The following USP32 variants were observed in gnomAD, a reference collection of about 807,000 sequenced individuals.
The protein encoded by USP32 is ubiquitin carboxyl-terminal hydrolase 32.
A neutral mutation model predicts 204.8 loss-of-function variants in USP32; 59 were observed. The ratio of observed to expected loss-of-function variants is 0.29; its 90% CI spans 0.23 to 0.36. The LOEUF (loss-of-function observed/expected upper bound fraction) is 0.36, where lower values mean the gene tolerates loss of function less well. Ranked by LOEUF, USP32 falls within the 10% of genes least tolerant of loss-of-function variation. The probability of loss-of-function intolerance (pLI) is 1.00; values close to 1 mark genes in which losing one functional copy is unlikely to be tolerated. For missense variants in USP32, 1,160 were observed against 1,946.4 expected (o/e 0.60, Z 7.60); for synonymous variants, 517 against 678.4 (o/e 0.76, Z 3.70).
At chr17:60,328,762 C>T (rs911013011) in intron 2 of USP32, among the ~76,000 whole-genome samples, 2 of 152,214 alleles carry the variant, frequency 1.3e-5, no homozygotes, top group African/African-American at 4.8e-5. Context: ...GACGCCATCA[C>T]ACTCCCCGGG....
At chr17:60,378,907 G>A (rs528258140) in intron 1 of USP32, among the ~76,000 whole-genome samples, 1 of 151,740 alleles carries the variant, frequency 6.6e-6, no homozygotes, top group South Asian at 2.1e-4. Flanking sequence ...TAGTTCAAAT[G>A]GTAAATGGTA....
At chr17:60,276,994 G>A (rs1271058597) in intron 5 of USP32, among the ~76,000 whole-genome samples, 2 of 149,014 alleles carry the variant, frequency 1.3e-5, no homozygotes, top group African/African-American at 5.1e-5. Flanking sequence ...TACATGAATT[G>A]GCAGCTAAAT....
chr17:60,227,037 CAAAAA>C (rs58720440), intron 12 of USP32, among the ~76,000 whole-genome samples: 6 of 61,306 alleles, frequency 9.8e-5, no homozygotes, highest in Non-Finnish European at 2.0e-4. Context: ...GACTCTGTCT[CAAAAA>C]AAAAAAAAAA....
At position 60,208,878 on chromosome 17, in the gene USP32, A is replaced by G. The variant is rs547447396; in HGVS notation, c.2599-50T>C. 7 of 1,485,842 alleles carry G rather than the reference A, an allele frequency of 4.7e-6. No homozygotes were observed. The African/African-American group carries it at 1.0e-4, about 21-fold the overall frequency. The allele number at this position is 1,485,842 out of a possible 1,614,324, so 92.0% of individuals were successfully genotyped here. ...TTCTCTCAAAATCCAAAAGAGAAGCATTTCTATATAAATTCAAAGAAGCTA... is the reference window on the plus strand; with the variant it reads ...TTCTCTCAAAATCCAAAAGAGAAGCGTTTCTATATAAATTCAAAGAAGCTA... On this transcript the variant is annotated intron_variant, in intron 22 of 33. Coordinates refer to ENST00000300896, the MANE Select transcript of USP32 (RefSeq NM_032582.4).
intron 11 of USP32, chr17:60,249,067 A>G (rs1396375088): frequency 6.6e-6 from 1 of 151,500 alleles, no homozygotes; most frequent in Non-Finnish European, 1.5e-5. Context: ...CTTTTTTATT[A>G]TCTGTTTTTA....
At chr17:60,419,639 A>C (rs1409403121) in intron 1 of USP32, among the ~76,000 whole-genome samples, 5 of 151,112 alleles carry the variant, frequency 3.3e-5, no homozygotes, top group Admixed American at 3.3e-4. Context: ...AGGCTGAGGC[A>C]AGAGAATGGC....
intron 1 of USP32, among the ~76,000 whole-genome samples, chr17:60,389,054 C>T (rs886237328): frequency 2.0e-5 from 3 of 152,108 alleles, no homozygotes; most frequent in Non-Finnish European, 4.4e-5. Context: ...GCCAAGGAGG[C>T]AAGTATTTCT....
At position 60,236,986 on chromosome 17, in the gene USP32, C is replaced by A. The variant is rs575683269; in HGVS notation, c.1137-746G>T. Among the ~76,000 whole-genome samples the A allele has an allele frequency of 3.9e-5, 6 of 152,122 alleles. No individual in the cohort carries two copies. The South Asian group carries it at 1.2e-3, about 32-fold the overall frequency. ...ATATATTACATTTTGTTTATCCATC[C>A]AACACCTAAAGAACATTTGAAACTG... is the stretch of plus-strand genomic sequence containing the variant. On this transcript the variant is annotated intron_variant, in intron 11 of 33. Transcript: ENST00000300896.
At chr17:60,238,541 G>A (rs957191974) in intron 11 of USP32, among the ~76,000 whole-genome samples, 10 of 151,656 alleles carry the variant, frequency 6.6e-5, no homozygotes, top group Non-Finnish European at 1.5e-4. Context: ...AGTGCCTCAC[G>A]CCTATAATCC....
chr17:60,268,381 C>T (rs1025630177), intron 7 of USP32, among the ~76,000 whole-genome samples: 1 of 146,782 alleles, frequency 6.8e-6, no homozygotes, highest in Non-Finnish European at 1.5e-5. Flanking sequence ...CTAGCCTGGG[C>T]AACATAACAA....
At chr17:60,285,826 A>G (rs1567827711) in intron 5 of USP32, among the ~76,000 whole-genome samples, 1 of 152,144 alleles carries the variant, frequency 6.6e-6, no homozygotes, top group Non-Finnish European at 1.5e-5. Context: ...AAGGCATTTT[A>G]GTGATAGAAA....
chr17:60,311,609 G>C lies in USP32; in HGVS notation c.187-9905C>G, dbSNP rs544923063. On this transcript the variant is annotated intron_variant, in intron 2 of 33. Coordinates refer to ENST00000300896, the MANE Select transcript of USP32 (RefSeq NM_032582.4). The stretch of plus-strand genomic sequence containing the variant: ...AGGCCGAGGATGGTGGATCACCTGA[G>C]ATCAGAAGTTAGAAACCAGCCTGGC... Among the ~76,000 whole-genome samples the C allele has an allele frequency of 3.9e-5, 6 of 152,344 alleles. No individual in the cohort carries two copies. In the East Asian group the frequency reaches 1.2e-3, roughly 29 times the overall value.
In USP32 at chr17:60,208,599, T is replaced by G. The variant is rs191748392; in HGVS notation, c.2773+55A>C. ...AACTATGCTTACAAATTCAGGCTAT[T>G]TAAATAAAGTAAATTTAATGGAGTC... On this transcript the variant is annotated intron_variant, in intron 23 of 33. Coordinates refer to ENST00000300896, the MANE Select transcript of USP32 (RefSeq NM_032582.4). 12 of 1,454,970 alleles carry G rather than the reference T, an allele frequency of 8.2e-6. No individual in the cohort carries two copies. In the African/African-American group the frequency reaches 8.7e-5, roughly 11 times the overall value. The allele number at this position is 1,454,970 out of a possible 1,614,324, so 90.1% of individuals were successfully genotyped here.
rs2086716782 is a variant in USP32 at position 60,271,201 on chromosome 17, A to G, written c.703+149T>C. On this transcript the variant is annotated intron_variant, in intron 6 of 33. Transcript: ENST00000300896. ...GAATATCAGGCTCAAGACTATAATA[A>G]TAATTCCCATTTGTTTTTCCCCACT... 8.6e-6 allele frequency: 9 copies of G among 1,043,766 alleles called. No individual in the cohort carries two copies. In the South Asian group the frequency reaches 1.1e-4, roughly 13 times the overall value. 64.7% of individuals were successfully genotyped at this position (1,043,766 alleles called of 1,614,324 possible).
intron 5 of USP32, among the ~76,000 whole-genome samples, chr17:60,284,244 C>T (rs541231947): frequency 2.1e-5 from 3 of 145,540 alleles, no homozygotes; most frequent in Non-Finnish European, 3.0e-5. Flanking sequence ...GACCAAGTCT[C>T]GCCCTGTCGC....
chr17:60,291,537 ATGTGTGTGTG>A (rs58874239), intron 4 of USP32, among the ~76,000 whole-genome samples: 26 of 145,234 alleles, frequency 1.8e-4, no homozygotes, highest in African/African-American at 2.2e-4. Flanking sequence ...CTGTGTGTGT[ATGTGTGTGTG>A]TGTGTGTGTG....
intron 7 of USP32, among the ~76,000 whole-genome samples, chr17:60,266,312 GATATAAGAC>G (rs889126588): frequency 6.6e-6 from 1 of 152,082 alleles, no homozygotes; most frequent in African/African-American, 2.4e-5. Flanking sequence ...TCATTATTCA[GATATAAGAC>G]CCTACCCTTC....
At chr17:60,357,790 C>T (rs1351600280) in intron 1 of USP32, among the ~76,000 whole-genome samples, 1 of 150,898 alleles carries the variant, frequency 6.6e-6, no homozygotes, top group African/African-American at 2.4e-5. Context: ...TTTTTTGAGA[C>T]GGAGTTTCAC....
At chr17:60,290,574 T>C (rs552001561) in intron 4 of USP32, among the ~76,000 whole-genome samples, 1 of 152,266 alleles carries the variant, frequency 6.6e-6, no homozygotes, top group East Asian at 1.9e-4. Flanking sequence ...ATCCTTTAAT[T>C]GTAATTTCTT....
Sources: allele counts gnomAD v4.1 joint callset (sites outside exome capture counted in the v4.1 genomes callset), GRCh38; gene constraint gnomAD v4.1.1; transcripts MANE v1.5; gene names NCBI Gene and HGNC (gene_info 2026-07-23, HGNC 2026-07-21).